The following ASPH variants were observed in gnomAD, a reference collection of about 807,000 sequenced individuals.
ASPH encodes the protein aspartyl/asparaginyl beta-hydroxylase.
Under a neutral mutation model 118.4 loss-of-function variants are expected in ASPH, and 100 were observed. The observed-to-expected ratio is 0.84, with a 90% CI of 0.72 to 1.00. ASPH has a LOEUF of 1.00. Ranked by LOEUF, ASPH falls within the 50% of genes least tolerant of loss-of-function variation. The pLI is 0.00. For missense variants in ASPH, 920 were observed against 919.5 expected, an observed-to-expected ratio of 1.00 and a Z score of -0.01; for synonymous variants, 315 against 325.6, an observed-to-expected ratio of 0.97 and a Z score of 0.35.
chr8:61,698,693 G>A (rs1834517907), intron 1 of ASPH, among the ~76,000 whole-genome samples: 1 of 152,126 alleles, frequency 6.6e-6, no homozygotes, highest in Non-Finnish European at 1.5e-5. Flanking sequence ...CCATCCTGAA[G>A]CTATCTAGGG....
At chr8:61,662,959 A>C in intron 3 of ASPH, 2 of 985,418 alleles carry the variant, frequency 2.0e-6, no homozygotes, top group Non-Finnish European at 1.2e-6. Context: ...GAACTTAAAA[A>C]CTAAGGTAAA....
intron 1 of ASPH, among the ~76,000 whole-genome samples, chr8:61,704,632 G>A (rs190653023): frequency 2.1e-4 from 32 of 152,044 alleles, no homozygotes; most frequent in Admixed American, 7.9e-4. Flanking sequence ...AAGAATTACC[G>A]CTCAGCAACA....
chr8:61,665,521 C>T, intron 3 of ASPH: 1 of 1,570,420 alleles, frequency 6.4e-7, no homozygotes, highest in Non-Finnish European at 8.7e-7. Flanking sequence ...CTTTCTTCCC[C>T]TTTTTTCTCT....
At chr8:61,682,458 G>A in intron 2 of ASPH, 2 of 1,612,766 alleles carry the variant, frequency 1.2e-6, no homozygotes, top group Non-Finnish European at 8.5e-7. Context: ...CCTCTGATAA[G>A]TTATAACGGA....
Position 61,684,110 on chromosome 8 carries a change from A to G in ASPH, c.182T>C (p.Ile61Thr), listed in dbSNP as rs1241929093. Residue 61 changes from isoleucine (I) to threonine (T), a missense_variant, in exon 2 of 25, where the codon ATT (isoleucine) becomes ACT (threonine). Ile to Thr is a moderately conservative substitution (Grantham distance 89). Coordinates refer to ENST00000379454, the MANE Select transcript of ASPH (RefSeq NM_004318.4). Reference protein sequence around the residue: ...GTSFFTWFMVIALLGVWTSVA... With the variant: ...GTSFFTWFMVTALLGVWTSVA... The stretch of plus-strand genomic sequence containing the variant: ...AGATGTCCAGACGCCCAGCAATGCA[A>G]TCACCATAAACCACGTGAAGAATGA... 1.2e-6 allele frequency: 2 copies of G among 1,613,690 alleles called. No homozygotes were observed. The highest frequency in any genetic ancestry group is 1.7e-5 in the Admixed American group (1 of 59,942).
At chr8:61,655,441 G>A (rs147473306) in intron 3 of ASPH, among the ~76,000 whole-genome samples, 1 of 152,240 alleles carries the variant, frequency 6.6e-6, no homozygotes, top group Admixed American at 6.5e-5. Flanking sequence ...CTGTCTGAAT[G>A]AAAAATTACA....
intron 3 of ASPH, among the ~76,000 whole-genome samples, chr8:61,676,756 C>T (rs896252312): frequency 2.0e-5 from 3 of 152,116 alleles, no homozygotes; most frequent in Non-Finnish European, 4.4e-5. Context: ...GTTGATTATA[C>T]ACACATTCGT....
chr8:61,578,175 A>G (rs1323900520), intron 15 of ASPH: 6 of 1,533,228 alleles, frequency 3.9e-6, no homozygotes, highest in Non-Finnish European at 4.4e-6. Flanking sequence ...TCCTTCTAGG[A>G]TCTCCGCCTG....
intron 14 of ASPH, among the ~76,000 whole-genome samples, chr8:61,584,667 TC>T (rs1838774939): frequency 6.6e-6 from 1 of 150,814 alleles, no homozygotes; most frequent in Non-Finnish European, 1.5e-5. Context: ...CTTTCTTTCT[TC>T]TTTTTTTCTT....
chr8:61,523,083 C>G (rs76343409), intron 22 of ASPH, among the ~76,000 whole-genome samples: 1 of 152,142 alleles, frequency 6.6e-6, no homozygotes, highest in African/African-American at 2.4e-5. Flanking sequence ...AACTAGACAA[C>G]GGCTAAATCT....
At chr8:61,707,223 A>G (rs944970080) in intron 1 of ASPH, among the ~76,000 whole-genome samples, 7 of 150,942 alleles carry the variant, frequency 4.6e-5, no homozygotes, top group Middle Eastern at 3.4e-3. Flanking sequence ...AAAAATAATC[A>G]AAAGGTTCAG....
intron 10 of ASPH, among the ~76,000 whole-genome samples, chr8:61,642,397 TA>T (rs1805574759): frequency 6.6e-6 from 1 of 152,238 alleles, no homozygotes; most frequent in South Asian, 2.1e-4. Context: ...AGAAATTATT[TA>T]GGCAATGGCA....
chr8:61,575,384 C>G (rs145213021), intron 16 of ASPH, among the ~76,000 whole-genome samples: 1,540 of 152,256 alleles, frequency 0.01, 32 homozygotes, highest in African/African-American at 0.034. Context: ...CATACCACGT[C>G]GACCCCCTCA....
At chr8:61,671,311 C>CT (rs917191072) in intron 3 of ASPH, among the ~76,000 whole-genome samples, 1 of 152,076 alleles carries the variant, frequency 6.6e-6, no homozygotes, top group Admixed American at 6.5e-5. Context: ...CCTTTTCTAT[C>CT]TTTAGTACCA....
At chr8:61,624,366 C>T (rs1374818874) in intron 13 of ASPH, 1 of 985,066 alleles carries the variant, frequency 1.0e-6, no homozygotes, top group Non-Finnish European at 1.2e-6. Flanking sequence ...ATAGTAAATG[C>T]AAAATAAGCA....
intron 13 of ASPH, among the ~76,000 whole-genome samples, chr8:61,620,869 G>A (rs888137993): frequency 6.6e-6 from 1 of 152,168 alleles, no homozygotes; most frequent in Non-Finnish European, 1.5e-5. Context: ...GGGAGTTTAG[G>A]GCTCTCCACA....
chr8:61,602,493 C>G lies in ASPH; in HGVS notation c.976+16485G>C, dbSNP rs1844304693. On this transcript the variant is annotated intron_variant, in intron 14 of 24. Coordinates refer to ENST00000379454, the MANE Select transcript of ASPH (RefSeq NM_004318.4). ...TATGAAAAATCTAAAGCTAACAATA[C>G]TAAACGGTAACAGACTGAATTCTAC... 2.0e-5 allele frequency among the ~76,000 whole-genome samples: 3 copies of G among 151,334 alleles called. 1 individual carries two copies. The highest frequency in any genetic ancestry group is 7.4e-5 in the African/African-American group (3 of 40,682).
At chr8:61,508,646 G>A (rs904074769) in intron 24 of ASPH, among the ~76,000 whole-genome samples, 2 of 152,150 alleles carry the variant, frequency 1.3e-5, no homozygotes, top group African/African-American at 2.4e-5. Context: ...TGATTTTCAC[G>A]CAAAGGAATC....
chr8:61,527,919 T>C (rs193194096), intron 21 of ASPH, among the ~76,000 whole-genome samples: 2 of 152,224 alleles, frequency 1.3e-5, no homozygotes, highest in South Asian at 4.1e-4. Context: ...TTTGACTTGG[T>C]TGCAGAAAAA....
Sources: allele counts gnomAD v4.1 joint callset (sites outside exome capture counted in the v4.1 genomes callset), GRCh38; gene constraint gnomAD v4.1.1; transcripts MANE v1.5; gene names NCBI Gene and HGNC (gene_info 2026-07-23, HGNC 2026-07-21).